The following NTRK2 variants were observed in gnomAD, a reference collection of about 807,000 sequenced individuals.
NTRK2 encodes the protein neurotrophic receptor tyrosine kinase 2, also known as BDNF/NT-3 growth factors receptor.
In NTRK2, 13 loss-of-function variants were observed where a neutral mutation model predicts 94.5. That is an observed-to-expected ratio of 0.14 (90% CI 0.09 to 0.22). The LOEUF is 0.22. Among genes scored for constraint, NTRK2 ranks in the 10% least tolerant of loss-of-function variants. NTRK2 has a pLI of 1.00. For missense variants in NTRK2, 639 were observed against 1,071.2 expected (o/e 0.60, Z 5.63); for synonymous variants, 372 against 407.4 (o/e 0.91, Z 1.05).
chr9:84,943,240 C>T (rs2132822173), intron 15 of NTRK2, among the ~76,000 whole-genome samples: 1 of 152,306 alleles, frequency 6.6e-6, no homozygotes, highest in East Asian at 1.9e-4. Context: ...TTGTCACATC[C>T]TACAATATTC....
chr9:84,717,714 TA>T (rs1279682807), intron 6 of NTRK2, among the ~76,000 whole-genome samples: 4 of 152,234 alleles, frequency 2.6e-5, no homozygotes, highest in Non-Finnish European at 5.9e-5. Context: ...AAGTACCCAA[TA>T]AATAATAGCT....
chr9:84,723,500 A>T, intron 6 of NTRK2, 73 bp from the exon 7 acceptor site: 1 of 1,543,316 alleles, frequency 6.5e-7, no homozygotes. Context: ...AACAGTTTTC[A>T]ATTTATTGCT....
intron 6 of NTRK2, among the ~76,000 whole-genome samples, chr9:84,713,076 T>C (rs2061510718): frequency 6.6e-6 from 1 of 152,202 alleles, no homozygotes; most frequent in South Asian, 2.1e-4. Flanking sequence ...AAGGTATACC[T>C]TGATATTAGC....
Position 84,669,960 on chromosome 9 carries a change from C to T in NTRK2, c.-373+72C>T, listed in dbSNP as rs1397414684. On this transcript the variant is annotated intron_variant, in intron 1 of 18. Transcript: ENST00000277120. This position sits in a 1 kb window ranked among gnomAD's most constrained non-coding sequence, Gnocchi z 4.1. ...TCCCCCTGGGGCGGCCTCGGCTACT[C>T]CCCAGGTGGGACGTGCCGCGCCACC... 1.3e-5 allele frequency: 2 copies of T among 153,124 alleles called. No homozygotes were observed. Among genetic ancestry groups the T allele is most frequent in the East Asian group, 3.7e-4 (2 of 5,372 alleles). The allele number at this position is 153,124 out of a possible 1,614,324, so 9.5% of individuals were successfully genotyped here.
intron 4 of NTRK2, among the ~76,000 whole-genome samples, chr9:84,703,263 C>G (rs72737673): frequency 0.088 from 13,323 of 152,244 alleles, 591 homozygotes; most frequent in Middle Eastern, 0.15. Flanking sequence ...GCAGTGATAC[C>G]TTACATGTCA....
chr9:84,677,730 A>T (rs2059147477), intron 2 of NTRK2, among the ~76,000 whole-genome samples: 1 of 152,098 alleles, frequency 6.6e-6, no homozygotes, highest in Non-Finnish European at 1.5e-5. Flanking sequence ...ATTCTAGGAG[A>T]GGTCTAGAGA....
chr9:84,709,816 C>G (rs1044450707), intron 5 of NTRK2, among the ~76,000 whole-genome samples: 1 of 152,050 alleles, frequency 6.6e-6, no homozygotes, highest in African/African-American at 2.4e-5. Context: ...TTATTTTCCT[C>G]TTGACTACTT....
chr9:84,727,060 CA>C (rs754731380), intron 8 of NTRK2, among the ~76,000 whole-genome samples: 2 of 152,078 alleles, frequency 1.3e-5, no homozygotes, highest in Non-Finnish European at 2.9e-5. Flanking sequence ...GTGATACTTT[CA>C]AAGAGTATTT....
At chr9:84,900,690 T>C (rs563744604) in intron 14 of NTRK2, among the ~76,000 whole-genome samples, 4 of 152,304 alleles carry the variant, frequency 2.6e-5, no homozygotes, top group Admixed American at 6.5e-5. Context: ...TTTCAGTGAT[T>C]GGATCATGAA....
rs2131267070 is a variant in NTRK2, at chr9:84,670,850, G to A, written c.102G>A (p.Thr34=). The change falls in exon 2 of 19, where the codon ACG becomes ACA. Residue 34 remains threonine (T), a synonymous_variant. Coordinates refer to ENST00000277120, the MANE Select transcript of NTRK2 (RefSeq NM_006180.6). ...GFWRAAFACP[T]SCKCSASRIW... Reference sequence around the variant, plus strand: ...GGAGGGCCGCTTTCGCCTGTCCCACGTCCTGCAAATGCAGTGCCTCTCGGA... The same window carrying A: ...GGAGGGCCGCTTTCGCCTGTCCCACATCCTGCAAATGCAGTGCCTCTCGGA... The A allele has an allele frequency of 1.2e-6, 2 of 1,614,030 alleles. No individual in the cohort carries two copies. The highest frequency in any genetic ancestry group is 1.1e-5 in the South Asian group (1 of 91,088).
chr9:84,833,665 G>A (rs1314704526), intron 12 of NTRK2, among the ~76,000 whole-genome samples: 1 of 149,632 alleles, frequency 6.7e-6, no homozygotes, highest in African/African-American at 2.4e-5. Flanking sequence ...GGAGGGAGGG[G>A]GCAGGGATCA....
intron 15 of NTRK2, among the ~76,000 whole-genome samples, chr9:84,944,192 T>TTCTCTC (rs61035000): frequency 0.065 from 8,819 of 134,688 alleles, 435 homozygotes; most frequent in Middle Eastern, 0.11. Context: ...GAAAAGCTTG[T>TTCTCTC]TCTCTCTCTC....
At chr9:84,780,480 G>A (rs1257411351) in intron 12 of NTRK2, among the ~76,000 whole-genome samples, 2 of 152,180 alleles carry the variant, frequency 1.3e-5, no homozygotes, top group African/African-American at 4.8e-5. Context: ...AGGTTGTGGA[G>A]ATGGGGATCT....
At chr9:84,762,065 C>G (rs2065626378) in intron 12 of NTRK2, among the ~76,000 whole-genome samples, 1 of 152,134 alleles carries the variant, frequency 6.6e-6, no homozygotes, top group Non-Finnish European at 1.5e-5. Context: ...CAAGCTCTCT[C>G]TTGCACACTG....
intron 17 of NTRK2, among the ~76,000 whole-genome samples, chr9:85,011,958 ATTATT>A (rs57166564): frequency 8.0e-4 from 105 of 131,738 alleles, no homozygotes; most frequent in African/African-American, 1.7e-3. Context: ...TATGTAGAGC[ATTATT>A]TTATTTTATT....
chr9:84,807,815 A>G (rs2071293714), intron 12 of NTRK2, among the ~76,000 whole-genome samples: 2 of 152,224 alleles, frequency 1.3e-5, no homozygotes, highest in African/African-American at 4.8e-5. Context: ...TTTTGCTATC[A>G]GTCTCTCTTG....
chr9:84,877,019 A>T, intron 14 of NTRK2: 1 of 1,062,654 alleles, frequency 9.4e-7, no homozygotes, highest in Non-Finnish European at 1.1e-6. Context: ...TATGCCATTG[A>T]TTTCCATACT....
intron 2 of NTRK2, among the ~76,000 whole-genome samples, chr9:84,675,259 T>C (rs1191726092): frequency 6.6e-6 from 1 of 151,228 alleles, no homozygotes; most frequent in Non-Finnish European, 1.5e-5. Flanking sequence ...TAAAAACTAG[T>C]GTTTTTGTTT....
At chr9:84,784,280 T>C (rs2067907325) in intron 12 of NTRK2, among the ~76,000 whole-genome samples, 1 of 152,206 alleles carries the variant, frequency 6.6e-6, no homozygotes, top group South Asian at 2.1e-4. Flanking sequence ...AAATAATGCA[T>C]AGTGATCAGA....
Sources: gnomAD v4.1 joint callset for allele counts (sites outside exome capture counted in the v4.1 genomes callset) on GRCh38, gnomAD v4.1.1 for gene constraint, Gnocchi (gnomAD v3.1) non-coding constraint, MANE v1.5 for transcripts, NCBI Gene and HGNC (gene_info 2026-07-23, HGNC 2026-07-21) for gene names.